The following FGGY variants were observed in gnomAD, a reference collection of about 807,000 sequenced individuals.
FGGY encodes the protein FGGY carbohydrate kinase domain-containing protein.
A neutral mutation model predicts 71.3 loss-of-function variants in FGGY; 72 were observed. The observed-to-expected ratio is 1.01, with a 90% CI of 0.84 to 1.23. FGGY has a LOEUF of 1.23. Among genes scored for constraint, FGGY ranks in the 50% most tolerant of loss-of-function variants. FGGY has a pLI of 0.00. For missense variants in FGGY, 668 were observed against 682.3 expected, an observed-to-expected ratio of 0.98 and a Z score of 0.23; for synonymous variants, 251 against 250.3, an observed-to-expected ratio of 1.00 and a Z score of -0.02.
chr1:59,341,453 G>A (rs190361076), intron 3 of FGGY, among the ~76,000 whole-genome samples: 1 of 152,294 alleles, frequency 6.6e-6, no homozygotes, highest in East Asian at 1.9e-4. Context: ...TGCTGAAAAT[G>A]GATGCAAATA....
chr1:59,754,544 C>T (rs2098274346), intron 14 of FGGY, among the ~76,000 whole-genome samples: 1 of 152,174 alleles, frequency 6.6e-6, no homozygotes, highest in Non-Finnish European at 1.5e-5. Context: ...GTGCCTCACC[C>T]TCCCCGTGGG....
At chr1:59,588,545 G>C (rs939163368) in intron 8 of FGGY, among the ~76,000 whole-genome samples, 20 of 152,102 alleles carry the variant, frequency 1.3e-4, no homozygotes, top group African/African-American at 4.8e-4. Flanking sequence ...GAGAGAAAGG[G>C]CGGGTTACCC....
At chr1:59,609,975 A>G (rs1342872162) in intron 9 of FGGY, among the ~76,000 whole-genome samples, 1 of 152,244 alleles carries the variant, frequency 6.6e-6, no homozygotes, top group East Asian at 1.9e-4. Context: ...GTGCTAGAAA[A>G]GTTGAGAAGG....
intron 7 of FGGY, among the ~76,000 whole-genome samples, chr1:59,525,246 C>A (rs1008937585): frequency 3.9e-5 from 6 of 152,224 alleles, no homozygotes; most frequent in Non-Finnish European, 8.8e-5. Context: ...ACCCACACAC[C>A]CCTCACTGCT....
intron 14 of FGGY, among the ~76,000 whole-genome samples, chr1:59,732,400 A>C (rs1481976198): frequency 6.6e-6 from 1 of 152,208 alleles, no homozygotes; most frequent in Non-Finnish European, 1.5e-5. Context: ...ACACTAAGAA[A>C]CACTTAAGAA....
At chr1:59,538,146 T>C (rs1330237350) in intron 7 of FGGY, among the ~76,000 whole-genome samples, 1 of 151,908 alleles carries the variant, frequency 6.6e-6, no homozygotes, top group Non-Finnish European at 1.5e-5. Context: ...CAAACAAATT[T>C]ACGAGAAAAA....
At chr1:59,523,576 C>T (rs974404188) in intron 7 of FGGY, among the ~76,000 whole-genome samples, 50 of 152,132 alleles carry the variant, frequency 3.3e-4, no homozygotes, top group African/African-American at 1.2e-3. Flanking sequence ...CACTCTGTAG[C>T]TAGTATAGAT....
intron 9 of FGGY, among the ~76,000 whole-genome samples, chr1:59,620,077 T>C (rs963655276): frequency 2.0e-5 from 3 of 152,044 alleles, no homozygotes; most frequent in Non-Finnish European, 4.4e-5. Flanking sequence ...TTCAATGTTA[T>C]GGAGTCAGAG....
At chr1:59,304,602 T>A (rs1219178084) in intron 1 of FGGY, among the ~76,000 whole-genome samples, 2 of 151,976 alleles carry the variant, frequency 1.3e-5, no homozygotes, top group African/African-American at 4.8e-5. Context: ...ATTTTTTTTT[T>A]AAATGCCATT....
intron 2 of FGGY, among the ~76,000 whole-genome samples, chr1:59,335,084 T>G (rs1342667616): frequency 6.6e-6 from 1 of 152,248 alleles, no homozygotes; most frequent in African/African-American, 2.4e-5. Context: ...CAGCTTGATG[T>G]ATGATTTATA....
intron 1 of FGGY, among the ~76,000 whole-genome samples, chr1:59,306,577 A>T (rs559019489): frequency 2.0e-5 from 3 of 152,302 alleles, no homozygotes; most frequent in African/African-American, 7.2e-5. Context: ...CAGCTGGCCC[A>T]GGCCAACTCT....
intron 7 of FGGY, among the ~76,000 whole-genome samples, chr1:59,552,230 A>G (rs2095619121): frequency 6.6e-6 from 1 of 152,198 alleles, no homozygotes; most frequent in African/African-American, 2.4e-5. Flanking sequence ...AGAGAAGTAG[A>G]TAGGCTCTTG....
At chr1:59,622,642 T>A (rs2096821609) in intron 9 of FGGY, among the ~76,000 whole-genome samples, 1 of 152,182 alleles carries the variant, frequency 6.6e-6, no homozygotes, top group African/African-American at 2.4e-5. Flanking sequence ...TGCATTCCCT[T>A]TCTATGGCTC....
chr1:59,407,197 C>T (rs1458788929), intron 5 of FGGY, among the ~76,000 whole-genome samples: 2 of 152,212 alleles, frequency 1.3e-5, no homozygotes, highest in Non-Finnish European at 2.9e-5. Context: ...GAGCTTTAGC[C>T]CTGCCTTCTT....
intron 14 of FGGY, among the ~76,000 whole-genome samples, chr1:59,739,932 A>T (rs910546502): frequency 6.6e-6 from 1 of 152,176 alleles, no homozygotes; most frequent in Non-Finnish European, 1.5e-5. Flanking sequence ...AACCTGGAGA[A>T]TAATGAAGTT....
At chr1:59,528,384 C>T (rs75329078) in intron 7 of FGGY, among the ~76,000 whole-genome samples, 1 of 152,180 alleles carries the variant, frequency 6.6e-6, no homozygotes, top group Non-Finnish European at 1.5e-5. Context: ...CTCGCTTAGA[C>T]TCAGGCAGCT....
chr1:59,457,509 G>A (rs990387807), intron 6 of FGGY, among the ~76,000 whole-genome samples: 1 of 152,122 alleles, frequency 6.6e-6, no homozygotes, highest in African/African-American at 2.4e-5. Flanking sequence ...TACTCCGGAG[G>A]CTGAGGTGGG....
intron 14 of FGGY, chr1:59,680,973 G>A (rs531001036): frequency 1.3e-5 from 2 of 152,154 alleles, no homozygotes; most frequent in Non-Finnish European, 2.9e-5. Context: ...TTGGTTGAGT[G>A]TCCAACACAG....
At chr1:59,496,299 G>A (rs192040031) in intron 6 of FGGY, among the ~76,000 whole-genome samples, 105 of 152,152 alleles carry the variant, frequency 6.9e-4, no homozygotes, top group Middle Eastern at 3.4e-3. Flanking sequence ...ACAGTGGACC[G>A]GATAAAGAAA....
Sources: gnomAD v4.1 joint callset for allele counts (sites outside exome capture counted in the v4.1 genomes callset) on GRCh38, gnomAD v4.1.1 for gene constraint, MANE v1.5 for transcripts, NCBI Gene and HGNC (gene_info 2026-07-23, HGNC 2026-07-21) for gene names.